The following ADAMTS18 variants were observed in gnomAD, a reference collection of about 807,000 sequenced individuals.
The protein encoded by ADAMTS18 is A disintegrin and metalloproteinase with thrombospondin motifs 18.
ADAMTS18 carries 157 observed loss-of-function variants against 165.9 expected under a neutral mutation model. The observed-to-expected ratio is 0.95, with a 90% CI of 0.83 to 1.08. The LOEUF (loss-of-function observed/expected upper bound fraction) is 1.08, where lower values mean the gene tolerates loss of function less well. Ranked by LOEUF, ADAMTS18 falls within the 50% of genes least tolerant of loss-of-function variation. The probability of loss-of-function intolerance (pLI) is 0.00; values close to 1 mark genes in which losing one functional copy is unlikely to be tolerated. For missense variants in ADAMTS18, 2,040 were observed against 1,534.0 expected (o/e 1.33, Z -5.51); for synonymous variants, 782 against 578.2 (o/e 1.35, Z -5.06).
rs529644659 is a variant in ADAMTS18 at position 77,362,146 on chromosome 16, A to G, written c.1175T>C (p.Phe392Ser). 1 of 1,614,112 alleles carries G rather than the reference A, an allele frequency of 6.2e-7. No homozygotes were observed. The highest frequency in any genetic ancestry group is 1.1e-5 in the South Asian group (1 of 91,076). The change falls in exon 7 of 23, where the codon TTT becomes TCT. Residue 392 changes from phenylalanine to serine, a missense_variant. Transcript: ENST00000282849. Reference protein sequence around the residue: ...RHDHAILLTGFDICSWKNEPC... With the variant: ...RHDHAILLTGSDICSWKNEPC... The stretch of plus-strand genomic sequence containing the variant: ...TTCATTCTTCCAAGAACAAATATCA[A>G]ATCCTGTTAGTAAGATGGCATGATC...
At chr16:77,368,223 G>C (rs987127026) in intron 3 of ADAMTS18, among the ~76,000 whole-genome samples, 1 of 152,122 alleles carries the variant, frequency 6.6e-6, no homozygotes, top group African/African-American at 2.4e-5. Context: ...AGGAAAGCTA[G>C]CATGGGCACC....
intron 13 of ADAMTS18, among the ~76,000 whole-genome samples, chr16:77,323,607 A>G (rs1341353003): frequency 6.7e-6 from 1 of 149,644 alleles, no homozygotes; most frequent in Non-Finnish European, 1.5e-5. Context: ...TTATGAGTCC[A>G]TTAAAAACAC....
intron 3 of ADAMTS18, among the ~76,000 whole-genome samples, chr16:77,411,202 T>C (rs1201579481): frequency 1.3e-5 from 2 of 152,192 alleles, no homozygotes; most frequent in Non-Finnish European, 2.9e-5. Flanking sequence ...CTCGCTGCCA[T>C]CCTGCTGGGG....
intron 3 of ADAMTS18, among the ~76,000 whole-genome samples, chr16:77,415,833 A>G (rs926532718): frequency 2.6e-5 from 4 of 152,196 alleles, no homozygotes; most frequent in Non-Finnish European, 5.9e-5. Context: ...GAAATATCCA[A>G]TGTATGAAGC....
chr16:77,393,047 T>C (rs956525722), intron 3 of ADAMTS18, among the ~76,000 whole-genome samples: 1 of 152,196 alleles, frequency 6.6e-6, no homozygotes, highest in African/African-American at 2.4e-5. Flanking sequence ...GTTAATGCGC[T>C]GGTCATGATT....
chr16:77,355,638 G>A (rs74628675), intron 9 of ADAMTS18, among the ~76,000 whole-genome samples: 1,769 of 152,214 alleles, frequency 0.012, 24 homozygotes, highest in Middle Eastern at 0.044. Flanking sequence ...ACTTACCAGC[G>A]ATAGTACCTT....
At chr16:77,316,592 C>G (rs909375074) in intron 16 of ADAMTS18, among the ~76,000 whole-genome samples, 4 of 152,198 alleles carry the variant, frequency 2.6e-5, no homozygotes, top group Non-Finnish European at 4.4e-5. Context: ...CACCTCAATA[C>G]TTTCTTTTCT....
intron 3 of ADAMTS18, among the ~76,000 whole-genome samples, chr16:77,372,520 A>C (rs1171242464): frequency 1.3e-5 from 2 of 152,174 alleles, no homozygotes; most frequent in Non-Finnish European, 2.9e-5. Context: ...CCTGAAATCA[A>C]AGACGGAGTC....
At chr16:77,346,087 A>G (rs2056471512) in intron 10 of ADAMTS18, among the ~76,000 whole-genome samples, 1 of 152,042 alleles carries the variant, frequency 6.6e-6, no homozygotes, top group Admixed American at 6.5e-5. Flanking sequence ...TTCTTCAACT[A>G]TCTGCATCTC....
At chr16:77,359,223 T>C in intron 8 of ADAMTS18, 95 bp downstream of exon 8, 1 of 1,086,206 alleles carries the variant, frequency 9.2e-7, no homozygotes, top group Non-Finnish European at 1.4e-6. Context: ...ACTGATCCTC[T>C]TTGTTCTGCC....
chr16:77,341,055 C>T (rs1389823514), intron 11 of ADAMTS18, among the ~76,000 whole-genome samples: 1 of 152,142 alleles, frequency 6.6e-6, no homozygotes, highest in African/African-American at 2.4e-5. Context: ...AGCCCAAATG[C>T]AACCTGCCCT....
intron 4 of ADAMTS18, among the ~76,000 whole-genome samples, chr16:77,364,811 G>C (rs1042212084): frequency 6.6e-6 from 1 of 151,814 alleles, no homozygotes; most frequent in Non-Finnish European, 1.5e-5. Context: ...GAAAAGAAGA[G>C]AAAAGAGCTC....
At chr16:77,337,729 T>G (rs2056331619) in intron 11 of ADAMTS18, among the ~76,000 whole-genome samples, 1 of 152,178 alleles carries the variant, frequency 6.6e-6, no homozygotes, top group Non-Finnish European at 1.5e-5. Context: ...GTTCTAGTAT[T>G]ACGTTAGGCT....
At position 77,283,559 on chromosome 16, in the gene ADAMTS18, G is replaced by C. The variant is rs1285831177; in HGVS notation, c.*397C>G. 3 of 209,190 alleles carry C rather than the reference G, an allele frequency of 1.4e-5. No homozygotes were observed. The highest frequency in any genetic ancestry group is 2.6e-4 in the East Asian group (2 of 7,654). The allele number at this position is 209,190 out of a possible 1,614,324, so 13.0% of individuals were successfully genotyped here. A position where few individuals can be genotyped will look rare whatever the true frequency, so the allele number is the denominator to read the frequency against. On this transcript the variant is annotated 3_prime_UTR_variant, in exon 23 of 23. Transcript: ENST00000282849. Reference sequence around the variant, plus strand: ...TATTCCATCCAGATTTGAAAGTTCTGAGTCTCAGTCTTTGACCTGAAGTCA... The same window carrying C: ...TATTCCATCCAGATTTGAAAGTTCTCAGTCTCAGTCTTTGACCTGAAGTCA...
intron 3 of ADAMTS18, among the ~76,000 whole-genome samples, chr16:77,426,806 T>C (rs905161449): frequency 2.0e-5 from 3 of 152,116 alleles, no homozygotes; most frequent in Non-Finnish European, 2.9e-5. Context: ...GAAGATTGCT[T>C]GAGCCCAGAA....
At chr16:77,288,094 G>A (rs1287589880) in intron 22 of ADAMTS18, among the ~76,000 whole-genome samples, 3 of 152,072 alleles carry the variant, frequency 2.0e-5, no homozygotes, top group Non-Finnish European at 4.4e-5. Flanking sequence ...AGTACCTGTT[G>A]CGTGCCCATT....
chr16:77,400,675 G>A (rs1384323443), intron 3 of ADAMTS18, among the ~76,000 whole-genome samples: 1 of 151,456 alleles, frequency 6.6e-6, no homozygotes, highest in South Asian at 2.1e-4. Flanking sequence ...TAGAGACAGG[G>A]TTTCACCGTG....
chr16:77,424,869 T>G (rs1209441499), intron 3 of ADAMTS18, among the ~76,000 whole-genome samples: 4 of 152,116 alleles, frequency 2.6e-5, no homozygotes, highest in Non-Finnish European at 4.4e-5. Flanking sequence ...TGTATGTAAT[T>G]CAACAAACCC....
rs537253654 is a variant in ADAMTS18 at position 77,304,391 on chromosome 16, T to C, written c.2533-3987A>G. 5.3e-5 allele frequency among the ~76,000 whole-genome samples: 8 copies of C among 151,750 alleles called. No homozygotes were observed. In the East Asian group the frequency reaches 1.6e-3, roughly 30 times the overall value. On this transcript the variant is annotated intron_variant, in intron 16 of 22. Transcript: ENST00000282849. Reference sequence around the variant, plus strand: ...GCAGGGGGCTGCTTGAGCTCAGGAGTTGGAAGCTGCAGTGAGCTATAGTCA... The same window carrying C: ...GCAGGGGGCTGCTTGAGCTCAGGAGCTGGAAGCTGCAGTGAGCTATAGTCA...
Sources: gnomAD v4.1 joint callset for allele counts (sites outside exome capture counted in the v4.1 genomes callset) on GRCh38, gnomAD v4.1.1 for gene constraint, MANE v1.5 for transcripts, NCBI Gene and HGNC (gene_info 2026-07-23, HGNC 2026-07-21) for gene names.